The following ZNF678 variants were observed in gnomAD, a reference collection of about 807,000 sequenced individuals.
The protein encoded by ZNF678 is zinc finger protein 678.
A neutral mutation model predicts 3.0 loss-of-function variants in ZNF678; 5 were observed. That is an observed-to-expected ratio of 1.69 (90% CI 0.88 to 3.56). The LOEUF is 3.56. Ranked by LOEUF, ZNF678 falls within the 30% of genes most tolerant of loss-of-function variation. The pLI, the probability that ZNF678 is intolerant of heterozygous loss-of-function variation, is 0.00. For missense variants in ZNF678, 593 were observed against 605.0 expected, an observed-to-expected ratio of 0.98 and a Z score of 0.21; for synonymous variants, 218 against 199.6, an observed-to-expected ratio of 1.09 and a Z score of -0.78.
intron 1 of ZNF678, among the ~76,000 whole-genome samples, chr1:227,570,127 A>G (rs1656799168): frequency 6.6e-6 from 1 of 152,156 alleles, no homozygotes. Flanking sequence ...CTTTCTGTGG[A>G]GCAGGCACTA....
chr1:227,567,660 T>A (rs1263539987), intron 1 of ZNF678, among the ~76,000 whole-genome samples: 1 of 152,194 alleles, frequency 6.6e-6, no homozygotes. Context: ...AGCTAATTTA[T>A]ATTTACATAA....
intron 1 of ZNF678, among the ~76,000 whole-genome samples, chr1:227,595,086 G>A (rs554607180): frequency 2.0e-5 from 3 of 152,138 alleles, no homozygotes; most frequent in Admixed American, 1.3e-4. Context: ...ATAGGGTTAC[G>A]GAGAATACCT....
chr1:227,616,705 G>A (rs1016123305), intron 1 of ZNF678, among the ~76,000 whole-genome samples: 6 of 152,174 alleles, frequency 3.9e-5, no homozygotes, highest in African/African-American at 1.4e-4. Flanking sequence ...CCACTGTCCG[G>A]GGGTGTCTCA....
chr1:227,608,588 A>G (rs1340448565), intron 1 of ZNF678, among the ~76,000 whole-genome samples: 2 of 152,222 alleles, frequency 1.3e-5, no homozygotes. Context: ...ATTCTTGAAT[A>G]AGAAACTTGA....
chr1:227,671,863 T>A (rs1659605772), intron 5 of ZNF678, among the ~76,000 whole-genome samples: 1 of 152,140 alleles, frequency 6.6e-6, no homozygotes, highest in Non-Finnish European at 1.5e-5. Flanking sequence ...AATGAAAAAA[T>A]ATTAAAAAGC....
chr1:227,622,156 A>G (rs1337465762), intron 1 of ZNF678, among the ~76,000 whole-genome samples: 1 of 152,184 alleles, frequency 6.6e-6, no homozygotes, highest in African/African-American at 2.4e-5. Flanking sequence ...TTTACCATCT[A>G]TTCTCTCTGA....
At chr1:227,564,127 G>T (rs1656608956) in intron 1 of ZNF678, among the ~76,000 whole-genome samples, 1 of 152,230 alleles carries the variant, frequency 6.6e-6, no homozygotes, top group South Asian at 2.1e-4. Flanking sequence ...TCATGAATGG[G>T]AGAGCGCCCA....
chr1:227,646,673 G>C lies in ZNF678; in HGVS notation c.-37+3G>C. On this transcript the variant is annotated splice_donor_region_variant and intron_variant, in intron 2 of 3. Transcript: ENST00000343776. ...CTACAGAAACCTGGTCTCCCTGGGT[G>C]AGGATAACTTCAATACACAATTTAT... 1 of 1,371,362 alleles carries C rather than the reference G, an allele frequency of 7.3e-7. No homozygotes were observed. Among genetic ancestry groups the C allele is most frequent in the Non-Finnish European group, 9.8e-7 (1 of 1,024,474 alleles). 84.9% of individuals were successfully genotyped at this position (1,371,362 alleles called of 1,614,324 possible). A position where few individuals can be genotyped will look rare whatever the true frequency, so the allele number is the denominator to read the frequency against.
At chr1:227,628,000 A>C (rs1466685124) in intron 1 of ZNF678, among the ~76,000 whole-genome samples, 1 of 152,246 alleles carries the variant, frequency 6.6e-6, no homozygotes, top group African/African-American at 2.4e-5. Flanking sequence ...ACAAGTGCAC[A>C]GTGGCAGCAC....
At chr1:227,625,935 G>A (rs955531901) in intron 1 of ZNF678, among the ~76,000 whole-genome samples, 26 of 152,160 alleles carry the variant, frequency 1.7e-4, no homozygotes, top group African/African-American at 5.8e-4. Flanking sequence ...TGCAAAGAGT[G>A]GTAGAGTTAT....
At chr1:227,604,792 T>C (rs1034421501) in intron 1 of ZNF678, among the ~76,000 whole-genome samples, 2 of 152,254 alleles carry the variant, frequency 1.3e-5, no homozygotes, top group African/African-American at 4.8e-5. Flanking sequence ...AAAATGTTCA[T>C]TAAAATTACC....
At chr1:227,627,764 G>T (rs965245427) in intron 1 of ZNF678, among the ~76,000 whole-genome samples, 2 of 152,132 alleles carry the variant, frequency 1.3e-5, no homozygotes, top group African/African-American at 4.8e-5. Context: ...GGAGTGAGGG[G>T]ATTACTTTCA....
At chr1:227,575,228 T>C (rs565012109) in intron 1 of ZNF678, among the ~76,000 whole-genome samples, 1 of 152,352 alleles carries the variant, frequency 6.6e-6, no homozygotes, top group South Asian at 2.1e-4. Context: ...CTATTCAGGC[T>C]ATTTTTTTGG....
In ZNF678 at chr1:227,590,635, C is replaced by T. The variant is rs904944095; in HGVS notation, c.-164+26911C>T. Among the ~76,000 whole-genome samples the T allele has an allele frequency of 9.8e-4, 149 of 151,840 alleles. 5 individuals are homozygous for T. The highest frequency in any genetic ancestry group is 3.3e-3 in the African/African-American group (138 of 41,282). Reference sequence around the variant, plus strand: ...GCATAGACAGGGAAGCCCAGGAGTTCGCCTGTTTTTATGGGCAGTAGGAAG... The same window carrying T: ...GCATAGACAGGGAAGCCCAGGAGTTTGCCTGTTTTTATGGGCAGTAGGAAG... On this transcript the variant is annotated intron_variant, in intron 1 of 3. Coordinates refer to ENST00000343776, the MANE Select transcript of ZNF678 (RefSeq NM_001367909.1).
Position 227,638,980 on chromosome 1 carries a change from G to A in ZNF678, c.-163-7564G>A, listed in dbSNP as rs1408168854. On this transcript the variant is annotated intron_variant, in intron 1 of 3. Transcript: ENST00000343776. The surrounding 1 kb of genome is among the most constrained non-coding windows in gnomAD (Gnocchi z 4.2). ...AGGGTTACCACTTGGCTCGGATGAA[G>A]CGATGGTAGTTGCCAGGGTGTCCTT... Among the ~76,000 whole-genome samples, 1 of 152,204 alleles carries A rather than the reference G, an allele frequency of 6.6e-6. No individual in the cohort carries two copies. The highest frequency in any genetic ancestry group is 1.5e-5 in the Non-Finnish European group (1 of 68,034).
chr1:227,567,391 C>CT (rs915510879), intron 1 of ZNF678, among the ~76,000 whole-genome samples: 7 of 152,324 alleles, frequency 4.6e-5, no homozygotes, highest in African/African-American at 1.7e-4. Flanking sequence ...CCCAGTGACT[C>CT]TAAGTTAAGG....
chr1:227,657,717 C>A lies in ZNF678; in HGVS notation c.*1889C>A, dbSNP rs1571920857. 6.6e-6 allele frequency: 1 copy of A among 151,810 alleles called. No individual in the cohort carries two copies. The highest frequency in any genetic ancestry group is 1.9e-4 in the East Asian group (1 of 5,184). 9.4% of individuals were successfully genotyped at this position (151,810 alleles called of 1,614,324 possible). A position where few individuals can be genotyped will look rare whatever the true frequency, so the allele number is the denominator to read the frequency against. On this transcript the variant is annotated 3_prime_UTR_variant, in exon 4 of 4. Coordinates refer to ENST00000343776, the MANE Select transcript of ZNF678 (RefSeq NM_001367909.1). Reference sequence around the variant, plus strand: ...TGTTAGCTTTAAGAGAATTACAGAGCATGTAATTGTGTTTGAGTGTAGGTG... The same window carrying A: ...TGTTAGCTTTAAGAGAATTACAGAGAATGTAATTGTGTTTGAGTGTAGGTG...
chr1:227,659,839 G>T lies in ZNF678; in HGVS notation c.*4011G>T, dbSNP rs1406869792. ...CAATTAAAAATGCTTTACCTCAATA[G>T]TTATTTTTATTGTGAGAAAGGTCAA... On this transcript the variant is annotated 3_prime_UTR_variant, in exon 4 of 4. Coordinates refer to ENST00000343776, the MANE Select transcript of ZNF678 (RefSeq NM_001367909.1). 6.7e-6 allele frequency: 1 copy of T among 150,110 alleles called. No homozygotes were observed. The highest frequency in any genetic ancestry group is 1.5e-5 in the Non-Finnish European group (1 of 67,710). 9.3% of individuals were successfully genotyped at this position (150,110 alleles called of 1,614,324 possible).
rs777522070 is a variant in ZNF678, at chr1:227,630,049, C to T, written c.-163-16495C>T. Among the ~76,000 whole-genome samples the T allele has an allele frequency of 8.6e-5, 13 of 151,916 alleles. No individual in the cohort carries two copies. In the Middle Eastern group the frequency reaches 0.01, roughly 119 times the overall value. ...TCACTAGGGTTTCTAAGTTTTGCTC[C>T]GGGTCTAAGGCAAACTTTTGAAGTT... On this transcript the variant is annotated intron_variant, in intron 1 of 3. Coordinates refer to ENST00000343776, the MANE Select transcript of ZNF678 (RefSeq NM_001367909.1).
Sources: gnomAD v4.1 joint callset for allele counts (sites outside exome capture counted in the v4.1 genomes callset) on GRCh38, gnomAD v4.1.1 for gene constraint, Gnocchi (gnomAD v3.1) non-coding constraint, MANE v1.5 for transcripts, NCBI Gene and HGNC (gene_info 2026-07-23, HGNC 2026-07-21) for gene names.